DPP10: variants seen among roughly 807,000 people sequenced by gnomAD.
DPP10 encodes inactive dipeptidyl peptidase 10.
In DPP10, 33 loss-of-function variants were observed where a neutral mutation model predicts 120.9. The ratio of observed to expected loss-of-function variants is 0.27; its 90% confidence interval spans 0.21 to 0.37. DPP10 has a LOEUF of 0.37. Ranked by LOEUF, DPP10 falls within the 10% of genes least tolerant of loss-of-function variation. DPP10 has a pLI of 1.00. For missense variants in DPP10, 816 were observed against 942.8 expected (o/e 0.87, Z 1.76); for synonymous variants, 337 against 326.1 (o/e 1.03, Z -0.36).
intron 1 of DPP10, among the ~76,000 whole-genome samples, chr2:114,483,087 G>C (rs1681204969): frequency 6.6e-6 from 1 of 152,122 alleles, no homozygotes; most frequent in Admixed American, 6.6e-5. Flanking sequence ...ACGTGACCCA[G>C]GAGTTGAATA....
chr2:115,715,842 A>G (rs1057317173), intron 7 of DPP10, among the ~76,000 whole-genome samples: 4 of 152,232 alleles, frequency 2.6e-5, no homozygotes, highest in African/African-American at 7.2e-5. Flanking sequence ...GAAACTTACA[A>G]TATCATTTGG....
intron 1 of DPP10, among the ~76,000 whole-genome samples, chr2:114,578,815 C>A (rs1237204007): frequency 6.6e-6 from 1 of 152,128 alleles, no homozygotes; most frequent in Non-Finnish European, 1.5e-5. Context: ...TATACCTGAT[C>A]CTCTTCTATT....
At chr2:114,499,430 G>T (rs1482385452) in intron 1 of DPP10, among the ~76,000 whole-genome samples, 1 of 152,160 alleles carries the variant, frequency 6.6e-6, no homozygotes, top group African/African-American at 2.4e-5. Context: ...GCAAGGCTAG[G>T]CAAACAGCTT....
intron 1 of DPP10, among the ~76,000 whole-genome samples, chr2:114,911,670 C>A (rs1489176055): frequency 6.6e-6 from 1 of 152,152 alleles, no homozygotes; most frequent in East Asian, 1.9e-4. Context: ...GCAGAGGGAA[C>A]AATTATGCCA....
intron 1 of DPP10, among the ~76,000 whole-genome samples, chr2:114,558,590 C>T (rs1312740188): frequency 6.6e-6 from 1 of 152,206 alleles, no homozygotes; most frequent in African/African-American, 2.4e-5. Flanking sequence ...TTCCATCAAA[C>T]AAAAAGCTCC....
intron 1 of DPP10, among the ~76,000 whole-genome samples, chr2:114,694,344 G>T (rs72826535): frequency 0.011 from 1,707 of 151,984 alleles, 10 homozygotes; most frequent in Middle Eastern, 0.027. Context: ...GAGAAAATAT[G>T]TCTTACAATT....
At chr2:114,597,987 A>C (rs1288007015) in intron 1 of DPP10, among the ~76,000 whole-genome samples, 2 of 151,912 alleles carry the variant, frequency 1.3e-5, no homozygotes, top group Non-Finnish European at 2.9e-5. Flanking sequence ...TTTGGGGATT[A>C]AGAGAAGTTT....
rs143173538 is a variant in DPP10, at chr2:115,827,103, A to G, written c.1951-9054A>G. Among the ~76,000 whole-genome samples, 918 of 151,984 alleles carry G rather than the reference A, an allele frequency of 6.0e-3. 21 individuals carry two copies. The highest frequency in any genetic ancestry group is 0.021 in the African/African-American group (877 of 41,514). On this transcript the variant is annotated intron_variant, in intron 21 of 25. Coordinates refer to ENST00000410059, the MANE Select transcript of DPP10 (RefSeq NM_020868.6). ...GCTTTATATTAAAAGAGCATTTTTT[A>G]TAATAAAATTTGCTTTGTTATTTGT...
chr2:114,857,182 G>A (rs1236291942), intron 1 of DPP10, among the ~76,000 whole-genome samples: 1 of 152,074 alleles, frequency 6.6e-6, no homozygotes, highest in African/African-American at 2.4e-5. Flanking sequence ...TTAGTTTCTA[G>A]TGCATCCAAT....
At chr2:115,612,812 AGT>A (rs1575334771) in intron 5 of DPP10, among the ~76,000 whole-genome samples, 1 of 152,160 alleles carries the variant, frequency 6.6e-6, no homozygotes, top group East Asian at 1.9e-4. Context: ...AAATAGAGAG[AGT>A]GGTATATTTA....
At chr2:114,524,070 A>G (rs1033117663) in intron 1 of DPP10, among the ~76,000 whole-genome samples, 5 of 152,230 alleles carry the variant, frequency 3.3e-5, no homozygotes, top group African/African-American at 1.2e-4. Context: ...TTACTTTACA[A>G]TTGTACCCAT....
In DPP10 at chr2:115,064,454, C is replaced by T. The variant is rs1706676056; in HGVS notation, c.61-244785C>T. 1.2e-5 allele frequency: 3 copies of T among 240,270 alleles called. No individual in the cohort carries two copies. The East Asian group carries it at 2.4e-4, about 20-fold the overall frequency. The allele number at this position is 240,270 out of a possible 1,614,324, so 14.9% of individuals were successfully genotyped here. On this transcript the variant is annotated intron_variant, in intron 1 of 25. Transcript: ENST00000410059. ...TCCCCCAGAAGCTATATGACTGTGG[C>T]TCAGAACCGTGTGCCCAAAGGAGAC...
intron 5 of DPP10, among the ~76,000 whole-genome samples, chr2:115,532,852 A>G (rs941938084): frequency 6.6e-6 from 1 of 151,940 alleles, no homozygotes; most frequent in East Asian, 1.9e-4. Flanking sequence ...TCATGTATAT[A>G]AATAGTTTTA....
rs141795415 is a variant in DPP10, at chr2:115,796,626, C to G, written c.1700+5270C>G. ...GTTTCTAATTTCTCTTATAGTCTTT[C>G]TGGATAGGGCTGAATATTGATTGAT... is the stretch of plus-strand genomic sequence containing the variant. On this transcript the variant is annotated intron_variant, in intron 19 of 25. Transcript: ENST00000410059. Among the ~76,000 whole-genome samples the G allele has an allele frequency of 4.6e-5, 7 of 152,182 alleles. 1 individual carries two copies. Among genetic ancestry groups the G allele is most frequent in the African/African-American group, 1.7e-4 (7 of 41,544 alleles).
At chr2:115,597,175 C>A (rs1331827583) in intron 5 of DPP10, among the ~76,000 whole-genome samples, 1 of 152,100 alleles carries the variant, frequency 6.6e-6, no homozygotes, top group Non-Finnish European at 1.5e-5. Flanking sequence ...CCACAGTATA[C>A]TTCACTGTGA....
At chr2:115,582,548 A>C (rs140466426) in intron 5 of DPP10, among the ~76,000 whole-genome samples, 1,693 of 152,258 alleles carry the variant, frequency 0.011, 31 homozygotes, top group African/African-American at 0.039. Context: ...CATTTCTGGG[A>C]GTGATGCTCT....
chr2:115,367,330 AT>A (rs2065139739), intron 3 of DPP10, among the ~76,000 whole-genome samples: 1 of 151,928 alleles, frequency 6.6e-6, no homozygotes, highest in South Asian at 2.1e-4. Flanking sequence ...TTTTAGTTAA[AT>A]TCTAGAAAAT....
intron 1 of DPP10, among the ~76,000 whole-genome samples, chr2:115,222,922 C>T (rs1463154838): frequency 6.6e-6 from 1 of 151,926 alleles, no homozygotes; most frequent in Non-Finnish European, 1.5e-5. Context: ...TTTTGAGTAG[C>T]ATACCGAAAG....
intron 1 of DPP10, among the ~76,000 whole-genome samples, chr2:114,830,039 T>C (rs1558785079): frequency 6.6e-6 from 1 of 152,074 alleles, no homozygotes; most frequent in Admixed American, 6.6e-5. Flanking sequence ...ACTGCTGTCC[T>C]CTCCTGGGCT....
Sources: gnomAD v4.1 joint callset for allele counts (sites outside exome capture counted in the v4.1 genomes callset) on GRCh38, gnomAD v4.1.1 for gene constraint, MANE v1.5 for transcripts, NCBI Gene and HGNC (gene_info 2026-07-23, HGNC 2026-07-21) for gene names.